DMD: variants seen among roughly 807,000 people sequenced by gnomAD.
DMD encodes the protein mutant dystrophin.
Under a neutral mutation model 330.1 loss-of-function variants are expected in DMD, and 63 were observed. That is an observed-to-expected ratio of 0.19 (90% CI 0.16 to 0.24). The LOEUF (loss-of-function observed/expected upper bound fraction) is 0.24, where lower values mean the gene tolerates loss of function less well. Ranked by LOEUF, DMD falls within the 10% of genes least tolerant of loss-of-function variation. The pLI is 1.00. For synonymous variants in DMD, 1,223 were observed against 959.8 expected (o/e 1.27, Z -5.07); for missense variants, 3,344 against 2,684.1 (o/e 1.25, Z -5.43).
chrX:31,288,687 C>T (rs1014767293), intron 62 of DMD, among the ~76,000 whole-genome samples: 11 of 111,309 alleles, frequency 9.9e-5, no homozygotes, highest in Non-Finnish European at 1.9e-4. Flanking sequence ...GACATGAAGA[C>T]GAACCAAGAG....
intron 76 of DMD, among the ~76,000 whole-genome samples, chrX:31,137,597 C>T (rs897258047): frequency 5.5e-5 from 6 of 109,864 alleles, no homozygotes; most frequent in African/African-American, 2.0e-4. Context: ...ATATGCCAGG[C>T]ACTGTTCAAA....
chrX:32,026,167 T>A (rs1169607257), intron 44 of DMD, among the ~76,000 whole-genome samples: 1 of 112,057 alleles, frequency 8.9e-6, no homozygotes. Context: ...ACTTTATAAT[T>A]CAGATATAAA....
intron 2 of DMD, among the ~76,000 whole-genome samples, chrX:32,885,838 A>AC (rs2084495456): frequency 9.2e-6 from 1 of 108,403 alleles, no homozygotes; most frequent in Non-Finnish European, 1.9e-5. Context: ...AAAAAAAAAA[A>AC]AAAAAAAAAA....
intron 60 of DMD, among the ~76,000 whole-genome samples, chrX:31,381,634 A>C (rs1156393174): frequency 3.6e-5 from 4 of 110,240 alleles, no homozygotes; most frequent in African/African-American, 1.3e-4. Flanking sequence ...CAGACATTCA[A>C]CCCCATTTCC....
chrX:32,625,980 T>A (rs2058321594), intron 11 of DMD, among the ~76,000 whole-genome samples: 1 of 112,412 alleles, frequency 8.9e-6, no homozygotes, highest in Admixed American at 9.4e-5. Flanking sequence ...GATGTTCAAT[T>A]GACATGTCTT....
chrX:32,612,675 A>G (rs375129348), intron 12 of DMD, among the ~76,000 whole-genome samples: 2 of 111,479 alleles, frequency 1.8e-5, no homozygotes, highest in African/African-American at 6.5e-5. Flanking sequence ...ACGGTTAGAG[A>G]ACTAGCACTG....
chrX:32,059,174 A>G (rs1290624098), intron 44 of DMD, among the ~76,000 whole-genome samples: 2 of 111,559 alleles, frequency 1.8e-5, no homozygotes, highest in African/African-American at 6.5e-5. Context: ...CTGCTATGCA[A>G]CATTTTGCTT....
At chrX:32,451,911 T>C (rs1005126571) in intron 26 of DMD, among the ~76,000 whole-genome samples, 9 of 110,762 alleles carry the variant, frequency 8.1e-5, no homozygotes, top group Admixed American at 2.9e-4. Context: ...ATCACCCCCA[T>C]ACTAAACCAA....
At chrX:31,576,150 G>A (rs1218731783) in intron 55 of DMD, among the ~76,000 whole-genome samples, 1 of 111,660 alleles carries the variant, frequency 9.0e-6, no homozygotes, top group Non-Finnish European at 1.9e-5. Flanking sequence ...TATCATCAAA[G>A]CTAGGAAACT....
At chrX:32,332,866 G>A (rs1397260211) in intron 41 of DMD, among the ~76,000 whole-genome samples, 1 of 110,493 alleles carries the variant, frequency 9.1e-6, no homozygotes. Flanking sequence ...AAATTTGAAA[G>A]AACGGTGCTT....
intron 15 of DMD, among the ~76,000 whole-genome samples, chrX:32,569,326 T>C (rs1454216427): frequency 1.8e-5 from 2 of 112,073 alleles, no homozygotes; most frequent in Non-Finnish European, 3.8e-5. Flanking sequence ...TTGGCAAAAT[T>C]GAGTTTTCCA....
chrX:31,681,767 C>T (rs1347081184), intron 52 of DMD, among the ~76,000 whole-genome samples: 3 of 112,798 alleles, frequency 2.7e-5, no homozygotes, highest in Non-Finnish European at 5.6e-5. Flanking sequence ...AACCCTGTTG[C>T]CTCCACAAAG....
chrX:32,172,166 G>A (rs929755061), intron 44 of DMD, among the ~76,000 whole-genome samples: 2 of 111,564 alleles, frequency 1.8e-5, no homozygotes, highest in Non-Finnish European at 3.8e-5. Flanking sequence ...TAAGAAAAGC[G>A]ACAACAAAAC....
chrX:32,455,615 C>A (rs1232688563), intron 25 of DMD, among the ~76,000 whole-genome samples: 8 of 110,772 alleles, frequency 7.2e-5, no homozygotes, highest in African/African-American at 2.6e-4. Flanking sequence ...GTGAATCATG[C>A]CAACCAAAGT....
intron 19 of DMD, among the ~76,000 whole-genome samples, chrX:32,493,931 C>T (rs990806764): frequency 9.0e-6 from 1 of 110,986 alleles, no homozygotes; most frequent in Non-Finnish European, 1.9e-5. Flanking sequence ...TTAAAGGGAC[C>T]GATAGACTGA....
intron 67 of DMD, among the ~76,000 whole-genome samples, chrX:31,201,201 A>G (rs6631266): frequency 1.1e-4 from 10 of 88,759 alleles, no homozygotes; most frequent in South Asian, 5.1e-4. Flanking sequence ...ACACACACGC[A>G]CACACACACA....
intron 62 of DMD, among the ~76,000 whole-genome samples, chrX:31,322,537 G>A (rs986957454): frequency 3.6e-5 from 4 of 111,814 alleles, no homozygotes; most frequent in South Asian, 7.4e-4. Flanking sequence ...ATGGTAAACC[G>A]TTTCCTAAAG....
chrX:32,027,658 C>T (rs138014501), intron 44 of DMD, among the ~76,000 whole-genome samples: 3,139 of 111,688 alleles, frequency 0.028, 44 homozygotes, highest in African/African-American at 0.056. Flanking sequence ...CTCAGATTAC[C>T]GTGGCAGCCT....
At chrX:31,770,494 G>T (rs985768938) in intron 51 of DMD, among the ~76,000 whole-genome samples, 2 of 111,732 alleles carry the variant, frequency 1.8e-5, no homozygotes, top group African/African-American at 6.5e-5. Flanking sequence ...CCTCTGCCTG[G>T]ATTGCCCTTC....
Sources: gnomAD v4.1 joint callset for allele counts (sites outside exome capture counted in the v4.1 genomes callset) on GRCh38, gnomAD v4.1.1 for gene constraint, MANE v1.5 for transcripts, NCBI Gene and HGNC (gene_info 2026-07-23, HGNC 2026-07-21) for gene names.